PAG1: variants seen among roughly 807,000 people sequenced by gnomAD.
The protein encoded by PAG1 is phosphoprotein associated with glycosphingolipid-enriched microdomains 1.
PAG1 carries 23 observed loss-of-function variants against 31.7 expected under a neutral mutation model. The observed-to-expected ratio is 0.73, with a 90% CI of 0.52 to 1.03. PAG1 has a LOEUF of 1.03. PAG1 is among the 50% of genes least tolerant of loss of function. The pLI, the probability that PAG1 is intolerant of heterozygous loss-of-function variation, is 0.00. For missense variants in PAG1, 473 were observed against 540.7 expected (o/e 0.87, Z 1.24); for synonymous variants, 214 against 210.3 (o/e 1.02, Z -0.15).
At chr8:81,086,504 T>C (rs946767950) in intron 1 of PAG1, among the ~76,000 whole-genome samples, 8 of 151,338 alleles carry the variant, frequency 5.3e-5, no homozygotes, top group Non-Finnish European at 7.4e-5. Context: ...TGTGTGTGTG[T>C]GCGCGCGCGT....
At chr8:81,092,792 T>TA (rs1809469151) in intron 1 of PAG1, among the ~76,000 whole-genome samples, 1 of 152,256 alleles carries the variant, frequency 6.6e-6, no homozygotes, top group South Asian at 2.1e-4. Context: ...AAATCACTTT[T>TA]AATCCCTAAC....
At chr8:81,063,895 A>G (rs1228112222) in intron 2 of PAG1, among the ~76,000 whole-genome samples, 1 of 152,198 alleles carries the variant, frequency 6.6e-6, no homozygotes, top group African/African-American at 2.4e-5. Context: ...TCCAGAGGAA[A>G]TGAGGAGGAA....
rs1301554469 is a variant in PAG1 at position 80,985,052 on chromosome 8, G to A, written c.600C>T (p.His200=). The A allele has an allele frequency of 6.2e-7, 1 of 1,614,004 alleles. No individual in the cohort carries two copies. The highest frequency in any genetic ancestry group is 8.5e-7 in the Non-Finnish European group (1 of 1,180,032). ...VAAAAHLEKG[H]SGKAKSTSAS... ...CAGAAGTAGATTTTGCCTTGCCACT[G>A]TGGCCTTTCTCCAGGTGTGCAGCTG... The change falls in exon 7 of 9, where the codon CAC becomes CAT. Residue 200 remains histidine (H), a synonymous_variant. Transcript: ENST00000220597.
intron 1 of PAG1, among the ~76,000 whole-genome samples, chr8:81,085,980 T>TTTTTG: frequency 8.3e-6 from 1 of 119,998 alleles, no homozygotes; most frequent in African/African-American, 3.7e-5. Context: ...TTGTTTTTTT[T>TTTTTG]TTTTTTTTTT....
chr8:80,998,206 T>A (rs945909327), intron 3 of PAG1, among the ~76,000 whole-genome samples: 1 of 148,786 alleles, frequency 6.7e-6, no homozygotes, highest in East Asian at 2.0e-4. Context: ...CTCAGCTCAC[T>A]GCAACCTTCG....
chr8:81,069,186 C>T (rs1023025923), intron 2 of PAG1, among the ~76,000 whole-genome samples: 1 of 152,180 alleles, frequency 6.6e-6, no homozygotes, highest in Non-Finnish European at 1.5e-5. Context: ...TAGCTCCCTG[C>T]TCTCCTAAGA....
chr8:81,078,506 C>G (rs1164453903), intron 1 of PAG1, among the ~76,000 whole-genome samples: 1 of 151,576 alleles, frequency 6.6e-6, no homozygotes, highest in African/African-American at 2.4e-5. Flanking sequence ...AGAGACACAT[C>G]TATGTTTCTT....
At chr8:80,996,735 C>T (rs1253804692) in intron 3 of PAG1, among the ~76,000 whole-genome samples, 1 of 152,138 alleles carries the variant, frequency 6.6e-6, no homozygotes, top group African/African-American at 2.4e-5. Context: ...GCTGGACCCT[C>T]ATGTGTCGGT....
rs1401863573 is a variant in PAG1 at position 80,968,363 on chromosome 8, G to A, written c.*8181C>T. 6.6e-6 allele frequency: 1 copy of A among 152,148 alleles called. No individual in the cohort carries two copies. Among genetic ancestry groups the A allele is most frequent in the Non-Finnish European group, 1.5e-5 (1 of 68,032 alleles). The allele number at this position is 152,148 out of a possible 1,614,324, so 9.4% of individuals were successfully genotyped here. ...CAGAGAAGTTAAATCATTTGCTCGA[G>A]GTCACATAGTAAAGTCAATGCTGGA... On this transcript the variant is annotated 3_prime_UTR_variant, in exon 9 of 9. Coordinates refer to ENST00000220597, the MANE Select transcript of PAG1 (RefSeq NM_018440.4).
chr8:80,981,449 GTC>G (rs1419037334), intron 7 of PAG1, among the ~76,000 whole-genome samples: 1 of 151,892 alleles, frequency 6.6e-6, no homozygotes, highest in East Asian at 1.9e-4. Flanking sequence ...AGTATACTCA[GTC>G]TCTGCTCAAC....
Position 81,079,121 on chromosome 8 carries a change from G to A in PAG1, c.-233-8951C>T, listed in dbSNP as rs116403136. 7.6e-3 allele frequency among the ~76,000 whole-genome samples: 1,160 copies of A among 152,094 alleles called. 17 individuals carry two copies. The highest frequency in any genetic ancestry group is 0.026 in the African/African-American group (1,096 of 41,486). On this transcript the variant is annotated intron_variant, in intron 1 of 8. Coordinates refer to ENST00000220597, the MANE Select transcript of PAG1 (RefSeq NM_018440.4). ...TAGATTAGCAACCAGAGGTCAGACA[G>A]AAAGAGTCTACAGATTCCATCCCAA...
chr8:81,028,848 A>C (rs1051178006), intron 3 of PAG1, among the ~76,000 whole-genome samples: 3 of 152,140 alleles, frequency 2.0e-5, no homozygotes, highest in African/African-American at 7.2e-5. Context: ...ATTCTCCTCT[A>C]ATGTACAGCC....
At chr8:81,037,661 C>A (rs1395344777) in intron 2 of PAG1, among the ~76,000 whole-genome samples, 1 of 152,152 alleles carries the variant, frequency 6.6e-6, no homozygotes, top group Non-Finnish European at 1.5e-5. Context: ...TAAATTGACT[C>A]CTCTAATTAT....
intron 2 of PAG1, among the ~76,000 whole-genome samples, chr8:81,037,953 A>T (rs1193420667): frequency 1.3e-5 from 2 of 152,224 alleles, no homozygotes; most frequent in African/African-American, 4.8e-5. Flanking sequence ...CCTAATGCAC[A>T]TGCCCTATCC....
At chr8:81,035,217 T>C (rs1808443524) in intron 2 of PAG1, among the ~76,000 whole-genome samples, 1 of 151,984 alleles carries the variant, frequency 6.6e-6, no homozygotes, top group Non-Finnish European at 1.5e-5. Flanking sequence ...GCCACAGTTC[T>C]CAAGAAGATC....
intron 2 of PAG1, among the ~76,000 whole-genome samples, chr8:81,043,838 T>G (rs2130846764): frequency 6.6e-6 from 1 of 152,382 alleles, no homozygotes; most frequent in South Asian, 2.1e-4. Context: ...TCCTTTGTTC[T>G]TCTGGATTTC....
At chr8:81,034,607 A>C (rs1283396365) in intron 2 of PAG1, among the ~76,000 whole-genome samples, 2 of 152,176 alleles carry the variant, frequency 1.3e-5, no homozygotes, top group Non-Finnish European at 2.9e-5. Context: ...GTCTCTGAGA[A>C]GTGTTGTTAA....
In PAG1 at chr8:80,969,537, A is replaced by C. The variant is rs1807032850; in HGVS notation, c.*7007T>G. Reference sequence around the variant, plus strand: ...AACTTGTTGAGTTAAAAACAAACCAAACCAAACCAGGACATGACAACAAGA... The same window carrying C: ...AACTTGTTGAGTTAAAAACAAACCACACCAAACCAGGACATGACAACAAGA... On this transcript the variant is annotated 3_prime_UTR_variant, in exon 9 of 9. Coordinates refer to ENST00000220597, the MANE Select transcript of PAG1 (RefSeq NM_018440.4). 1 of 152,224 alleles carries C rather than the reference A, an allele frequency of 6.6e-6. No homozygotes were observed. Among genetic ancestry groups the C allele is most frequent in the East Asian group, 1.9e-4 (1 of 5,200 alleles). 9.4% of individuals were successfully genotyped at this position (152,224 alleles called of 1,614,324 possible). A position where few individuals can be genotyped will look rare whatever the true frequency, so the allele number is the denominator to read the frequency against.
intron 2 of PAG1, among the ~76,000 whole-genome samples, chr8:81,054,935 G>T (rs1274073967): frequency 6.6e-6 from 1 of 152,064 alleles, no homozygotes; most frequent in Non-Finnish European, 1.5e-5. Flanking sequence ...CACTGCCCTT[G>T]GTGGGTAGAA....
Sources: allele counts gnomAD v4.1 joint callset (sites outside exome capture counted in the v4.1 genomes callset), GRCh38; gene constraint gnomAD v4.1.1; transcripts MANE v1.5; gene names NCBI Gene and HGNC (gene_info 2026-07-23, HGNC 2026-07-21).